SP140L: variants seen among roughly 807,000 people sequenced by gnomAD.
SP140L encodes the protein nuclear body protein SP140-like protein.
SP140L carries 64 observed loss-of-function variants against 84.3 expected under a neutral mutation model. The ratio of observed to expected loss-of-function variants is 0.76; its 90% CI spans 0.62 to 0.94. The LOEUF (loss-of-function observed/expected upper bound fraction) is 0.94, where lower values mean the gene tolerates loss of function less well. SP140L is among the 40% of genes least tolerant of loss of function. The pLI, the probability that SP140L is intolerant of heterozygous loss-of-function variation, is 0.00. For missense variants in SP140L, 628 were observed against 692.5 expected (o/e 0.91, Z 1.05); for synonymous variants, 242 against 236.9 (o/e 1.02, Z -0.20).
chr2:230,361,655 G>T lies in SP140L; in HGVS notation c.481G>T (p.Glu161Ter). The T allele has an allele frequency of 6.4e-7, 1 of 1,563,356 alleles. No homozygotes were observed. Among genetic ancestry groups the T allele is most frequent in the Non-Finnish European group, 8.7e-7 (1 of 1,152,670 alleles). The stretch of plus-strand genomic sequence containing the variant: ...GTCTTTCCAAGAAAGTGATCGAAAA[G>T]AAAGGGAAGAGAGGCCTGACATCAA... ...KLSFQESDRK[E>*]REERPDIKLS... Residue 161 changes from glutamate (E) to a stop codon, truncating the protein, a stop_gained, in exon 5 of 19, where the codon GAA (glutamate) becomes TAA (stop). Transcript: ENST00000415673. LOFTEE classifies it high-confidence loss of function.
intron 11 of SP140L, 119 bp from the exon 12 acceptor site, chr2:230,391,968 C>G: frequency 7.0e-7 from 1 of 1,418,548 alleles, no homozygotes; most frequent in Non-Finnish European, 9.7e-7. Context: ...GAAGGCCAGA[C>G]CCTCCTGCTA....
chr2:230,393,840 T>C (rs2061932315), intron 13 of SP140L, among the ~76,000 whole-genome samples: 1 of 152,208 alleles, frequency 6.6e-6, no homozygotes, highest in African/African-American at 2.4e-5. Flanking sequence ...CAAAATCAGA[T>C]TTTTTTCATT....
intron 5 of SP140L, 119 bp from the exon 6 acceptor site, chr2:230,370,789 G>C: frequency 1.2e-6 from 1 of 841,848 alleles, no homozygotes; most frequent in Non-Finnish European, 1.9e-6. Flanking sequence ...GCAGCAACCA[G>C]GGTGCAGAAA....
intron 9 of SP140L, among the ~76,000 whole-genome samples, chr2:230,387,994 T>C (rs2061655424): frequency 6.6e-6 from 1 of 152,168 alleles, no homozygotes; most frequent in Non-Finnish European, 1.5e-5. Context: ...GCAGCATACA[T>C]CTCACCTATG....
chr2:230,386,016 A>G (rs2061565981), intron 9 of SP140L, among the ~76,000 whole-genome samples: 1 of 152,180 alleles, frequency 6.6e-6, no homozygotes, highest in South Asian at 2.1e-4. Flanking sequence ...TTGATGCACA[A>G]TCACTAGCTC....
At chr2:230,393,209 G>T (rs572404220) in intron 12 of SP140L, among the ~76,000 whole-genome samples, 18 of 152,194 alleles carry the variant, frequency 1.2e-4, no homozygotes, top group Non-Finnish European at 2.2e-4. Context: ...AAGGGAAAAT[G>T]GTCCTGAAAA....
intron 7 of SP140L, among the ~76,000 whole-genome samples, chr2:230,376,696 A>T (rs2061249742): frequency 6.6e-6 from 1 of 152,200 alleles, no homozygotes; most frequent in Non-Finnish European, 1.5e-5. Flanking sequence ...TTTCAATGAC[A>T]TTTTTCACAG....
intron 5 of SP140L, among the ~76,000 whole-genome samples, chr2:230,369,909 G>A (rs1275069048): frequency 3.9e-5 from 6 of 152,010 alleles, no homozygotes; most frequent in Non-Finnish European, 4.4e-5. Flanking sequence ...AAGTAGCTGG[G>A]ATTACAGGCG....
intron 4 of SP140L, among the ~76,000 whole-genome samples, chr2:230,359,617 C>T (rs948944927): frequency 6.6e-6 from 1 of 151,968 alleles, no homozygotes; most frequent in African/African-American, 2.4e-5. Context: ...CAGGGACAAT[C>T]TGAGTTATAA....
At chr2:230,398,637 A>G (rs1417847243) in intron 14 of SP140L, among the ~76,000 whole-genome samples, 1 of 152,242 alleles carries the variant, frequency 6.6e-6, no homozygotes, top group Non-Finnish European at 1.5e-5. Flanking sequence ...CTGAACGTGT[A>G]TCCTCACTGG....
At chr2:230,393,577 A>C (rs994536059) in intron 13 of SP140L, 116 bp downstream of exon 13, 1 of 1,219,168 alleles carries the variant, frequency 8.2e-7, no homozygotes, top group Admixed American at 3.8e-5. Context: ...CACCTTCTCC[A>C]CTTCCCACAT....
chr2:230,400,816 T>A, intron 15 of SP140L, 139 bp from the exon 16 acceptor site: 2 of 1,578,750 alleles, frequency 1.3e-6, no homozygotes, highest in Non-Finnish European at 1.7e-6. Flanking sequence ...TGTGCAGTTC[T>A]TGGATACTCT....
intron 2 of SP140L, among the ~76,000 whole-genome samples, chr2:230,344,705 T>G (rs1393382346): frequency 6.6e-6 from 1 of 152,188 alleles, no homozygotes; most frequent in Admixed American, 6.5e-5. Context: ...GTGTTTTGTT[T>G]TCATTTTTGT....
chr2:230,391,169 G>T (rs1463148581), intron 11 of SP140L, among the ~76,000 whole-genome samples: 3 of 152,154 alleles, frequency 2.0e-5, no homozygotes. Flanking sequence ...TATAAATAAT[G>T]CTGTTTTGAA....
At chr2:230,387,882 C>T (rs960164158) in intron 9 of SP140L, among the ~76,000 whole-genome samples, 7 of 152,082 alleles carry the variant, frequency 4.6e-5, no homozygotes, top group Non-Finnish European at 1.0e-4. Context: ...TTTCTTAGAT[C>T]CTAATATTTA....
intron 2 of SP140L, among the ~76,000 whole-genome samples, chr2:230,352,623 A>C (rs2060398930): frequency 6.6e-6 from 1 of 152,264 alleles, no homozygotes; most frequent in South Asian, 2.1e-4. Flanking sequence ...ACACAGAGCC[A>C]AACCATATCA....
chr2:230,393,306 C>A (rs986916266), intron 12 of SP140L, 108 bp from the exon 13 acceptor site: 8 of 1,238,008 alleles, frequency 6.5e-6, no homozygotes, highest in South Asian at 1.5e-5. Context: ...TGGGTTTGAG[C>A]TGGCATTGGA....
chr2:230,375,833 G>C (rs897897881), intron 7 of SP140L, among the ~76,000 whole-genome samples: 8 of 152,074 alleles, frequency 5.3e-5, no homozygotes, highest in Admixed American at 1.3e-4. Context: ...TACATGGTTT[G>C]CAAATATTTT....
At chr2:230,345,895 G>A (rs925975783) in intron 2 of SP140L, among the ~76,000 whole-genome samples, 4 of 152,022 alleles carry the variant, frequency 2.6e-5, no homozygotes, top group African/African-American at 4.8e-5. Context: ...TGCTAGAATT[G>A]AAAGTGATTT....
Sources: gnomAD v4.1 joint callset for allele counts (sites outside exome capture counted in the v4.1 genomes callset) on GRCh38, gnomAD v4.1.1 for gene constraint, MANE v1.5 for transcripts, NCBI Gene and HGNC (gene_info 2026-07-23, HGNC 2026-07-21) for gene names.